INPP5A: variants seen among roughly 807,000 people sequenced by gnomAD.
INPP5A encodes 43 kDa inositol polyphosphate 5-phophatase.
Under a neutral mutation model 65.2 loss-of-function variants are expected in INPP5A, and 14 were observed. The observed-to-expected ratio is 0.21, with a 90% CI of 0.14 to 0.34. The LOEUF (loss-of-function observed/expected upper bound fraction) is 0.34. INPP5A is among the 10% of genes least tolerant of loss of function. The pLI is 1.00. For synonymous variants in INPP5A, 207 were observed against 208.3 expected (o/e 0.99, Z 0.05); for missense variants, 431 against 545.6 (o/e 0.79, Z 2.09).
intron 9 of INPP5A, among the ~76,000 whole-genome samples, chr10:132,728,863 C>T (rs931806868): frequency 6.6e-6 from 1 of 152,160 alleles, no homozygotes; most frequent in African/African-American, 2.4e-5. Context: ...CTGCTGAGCC[C>T]GGTGGCCGGG....
chr10:132,651,748 C>T lies in INPP5A; in HGVS notation c.306+1243C>T, dbSNP rs1034462316. Among the ~76,000 whole-genome samples, 5 of 152,378 alleles carry T rather than the reference C, an allele frequency of 3.3e-5. No homozygotes were observed. In the East Asian group the frequency reaches 7.7e-4, roughly 23 times the overall value. On this transcript the variant is annotated intron_variant, in intron 4 of 15. Coordinates refer to ENST00000368594, the MANE Select transcript of INPP5A (RefSeq NM_005539.5). This position sits in a 1 kb window ranked among gnomAD's most constrained non-coding sequence, Gnocchi z 5.0. ...CTGTTTGGGTTCAAGGGCCATCTCA[C>T]TTGTTTGGGCATCCAGTGCCAGTTG...
rs1433844673 is a variant in INPP5A at position 132,678,177 on chromosome 10, A to G, written c.307-12215A>G. Among the ~76,000 whole-genome samples, 3 of 152,086 alleles carry G rather than the reference A, an allele frequency of 2.0e-5. No individual in the cohort carries two copies. The highest frequency in any genetic ancestry group is 4.4e-5 in the Non-Finnish European group (3 of 68,024). ...GTGGTGGTCACGGAGCTCCTCTGAG[A>G]GCGGACGGTCACAGCCCCCCGTATG... On this transcript the variant is annotated intron_variant, in intron 4 of 15. Transcript: ENST00000368594. This position sits in a 1 kb window ranked among gnomAD's most constrained non-coding sequence, Gnocchi z 4.1.
At chr10:132,692,651 T>A (rs961122986) in intron 5 of INPP5A, among the ~76,000 whole-genome samples, 2 of 152,180 alleles carry the variant, frequency 1.3e-5, no homozygotes, top group African/African-American at 4.8e-5. Flanking sequence ...GAGAGTAGTG[T>A]GAAACATTTA....
chr10:132,674,893 CTG>C lies in INPP5A; in HGVS notation c.307-15496_307-15495del, dbSNP rs1410339880. 6.6e-6 allele frequency among the ~76,000 whole-genome samples: 1 copy of C among 152,228 alleles called. No individual in the cohort carries two copies. Among genetic ancestry groups the C allele is most frequent in the Non-Finnish European group, 1.5e-5 (1 of 68,040 alleles). ...CACTCCAAAATCCTAGAGGCCTCCG[CTG>C]TGATTCACCTATGGGGACCTGCCAA... On this transcript the variant is annotated intron_variant, in intron 4 of 15. Transcript: ENST00000368594. The surrounding 1 kb of genome is among the most constrained non-coding windows in gnomAD (Gnocchi z 4.4).
rs112017254 is a variant in INPP5A, at chr10:132,771,957, A to G, written c.978-5714A>G. 8.9e-3 allele frequency among the ~76,000 whole-genome samples: 44 copies of G among 4,944 alleles called. 3 individuals carry two copies. Among genetic ancestry groups the G allele is most frequent in the Middle Eastern group, 0.071 (1 of 14 alleles). The allele number at this position is 4,944 out of a possible 152,430, so 3.2% of individuals were successfully genotyped here. ...TGGGACGGACACTCAGCACTGACAC[A>G]GAGGCCACGGCAGCCACCCCACGAG... On this transcript the variant is annotated intron_variant, in intron 12 of 15. Coordinates refer to ENST00000368594, the MANE Select transcript of INPP5A (RefSeq NM_005539.5).
intron 4 of INPP5A, among the ~76,000 whole-genome samples, chr10:132,666,942 G>T (rs2072812487): frequency 6.6e-6 from 1 of 152,160 alleles, no homozygotes; most frequent in Admixed American, 6.5e-5. Flanking sequence ...GGAGGGTAAA[G>T]GTGGTTTTTA....
intron 8 of INPP5A, among the ~76,000 whole-genome samples, chr10:132,716,222 C>T (rs959094822): frequency 6.6e-6 from 1 of 152,226 alleles, no homozygotes; most frequent in Admixed American, 6.5e-5. Context: ...GCAGGTGCCC[C>T]GTCCTCCATC....
chr10:132,727,747 C>T lies in INPP5A; in HGVS notation c.732+842C>T, dbSNP rs1047799255. On this transcript the variant is annotated intron_variant, in intron 9 of 15. Transcript: ENST00000368594. The surrounding 1 kb of genome is among the most constrained non-coding windows in gnomAD (Gnocchi z 6.5). Reference sequence around the variant, plus strand: ...CTGGGCATGAGCTGACAGCCCACAGCGGGGCCACAGTAAGTTGGATGGGGC... The same window carrying T: ...CTGGGCATGAGCTGACAGCCCACAGTGGGGCCACAGTAAGTTGGATGGGGC... Among the ~76,000 whole-genome samples the T allele has an allele frequency of 2.0e-5, 3 of 152,090 alleles. No individual in the cohort carries two copies. Among genetic ancestry groups the T allele is most frequent in the Non-Finnish European group, 4.4e-5 (3 of 68,020 alleles).
intron 12 of INPP5A, among the ~76,000 whole-genome samples, chr10:132,777,096 C>T (rs1037457390): frequency 3.9e-5 from 6 of 152,164 alleles, no homozygotes; most frequent in African/African-American, 1.2e-4. Flanking sequence ...TTCCCAGACC[C>T]GCAGAGGGCG....
intron 2 of INPP5A, among the ~76,000 whole-genome samples, chr10:132,619,279 G>A (rs73399401): frequency 0.027 from 4,148 of 152,322 alleles, 79 homozygotes; most frequent in African/African-American, 0.046. Flanking sequence ...GCCCCCAGGC[G>A]AGTTTGAAAC....
intron 8 of INPP5A, among the ~76,000 whole-genome samples, chr10:132,710,857 G>A (rs1418770062): frequency 1.3e-5 from 2 of 151,252 alleles, no homozygotes; most frequent in South Asian, 2.1e-4. Flanking sequence ...GGTAGGTGTG[G>A]GCGGGCGGGT....
chr10:132,723,692 A>G (rs769359974), intron 8 of INPP5A, among the ~76,000 whole-genome samples: 6 of 149,940 alleles, frequency 4.0e-5, no homozygotes, highest in South Asian at 2.1e-4. Flanking sequence ...GGGATTGGCC[A>G]TGTGGGGATG....
At chr10:132,689,818 GTGCTC>G (rs1012243292) in intron 4 of INPP5A, among the ~76,000 whole-genome samples, 7 of 152,206 alleles carry the variant, frequency 4.6e-5, no homozygotes, top group African/African-American at 1.7e-4. Context: ...AGGGATCCCT[GTGCTC>G]TGCAACCATC....
chr10:132,726,481 T>C (rs2134580975), intron 8 of INPP5A, among the ~76,000 whole-genome samples: 1 of 152,300 alleles, frequency 6.6e-6, no homozygotes, highest in East Asian at 1.9e-4. Flanking sequence ...CCCTTTCCCG[T>C]TCTCGGGGCA....
intron 2 of INPP5A, among the ~76,000 whole-genome samples, chr10:132,613,093 A>G (rs1036071300): frequency 3.9e-4 from 60 of 152,186 alleles, no homozygotes; most frequent in African/African-American, 1.3e-3. Flanking sequence ...TACATGTCCC[A>G]TTTCTTTCAT....
Position 132,550,496 on chromosome 10 carries a change from G to C in INPP5A, c.75+12325G>C, listed in dbSNP as rs1760851789. Among the ~76,000 whole-genome samples, 1 of 152,238 alleles carries C rather than the reference G, an allele frequency of 6.6e-6. No individual in the cohort carries two copies. Among genetic ancestry groups the C allele is most frequent in the African/African-American group, 2.4e-5 (1 of 41,452 alleles). On this transcript the variant is annotated intron_variant, in intron 1 of 15. Transcript: ENST00000368594. The surrounding 1 kb of genome is among the most constrained non-coding windows in gnomAD (Gnocchi z 4.2). ...ACCTGGAGCAGCGCCCGTGAGAGGAGGGAAGCGACACCCTTGGGCTGAGCT... is the reference window on the plus strand; with the variant it reads ...ACCTGGAGCAGCGCCCGTGAGAGGACGGAAGCGACACCCTTGGGCTGAGCT...
At chr10:132,754,169 G>A (rs148191304) in intron 11 of INPP5A, among the ~76,000 whole-genome samples, 12 of 152,292 alleles carry the variant, frequency 7.9e-5, no homozygotes, top group Admixed American at 2.6e-4. Context: ...GGATCCCCCC[G>A]CCACCTGGCC....
chr10:132,783,184 A>T lies in INPP5A; in HGVS notation c.*1155A>T, dbSNP rs1383488585. 1 of 152,434 alleles carries T rather than the reference A, an allele frequency of 6.6e-6. No individual in the cohort carries two copies. The highest frequency in any genetic ancestry group is 1.5e-5 in the Non-Finnish European group (1 of 68,048). The allele number at this position is 152,434 out of a possible 1,614,324, so 9.4% of individuals were successfully genotyped here. On this transcript the variant is annotated 3_prime_UTR_variant, in exon 16 of 16. Coordinates refer to ENST00000368594, the MANE Select transcript of INPP5A (RefSeq NM_005539.5). ...TAGAAGGTGATTAGAGAGTCTGTTG[A>T]TGAAACACAAATGTATGTTTTATTG...
rs566143838 is a variant in INPP5A, at chr10:132,627,422, G to A, written c.118-18446G>A. Among the ~76,000 whole-genome samples, 44 of 152,268 alleles carry A rather than the reference G, an allele frequency of 2.9e-4. No homozygotes were observed. Among genetic ancestry groups the A allele is most frequent in the African/African-American group, 1.0e-3 (42 of 41,542 alleles). On this transcript the variant is annotated intron_variant, in intron 2 of 15. Coordinates refer to ENST00000368594, the MANE Select transcript of INPP5A (RefSeq NM_005539.5). This position sits in a 1 kb window ranked among gnomAD's most constrained non-coding sequence, Gnocchi z 6.6. ...CGCTGAGCAGGTGGGTCTGGAGGGC[G>A]GTGGGGCTGGCGGTGCTGGGCGCGG...
Sources: gnomAD v4.1 joint callset for allele counts (sites outside exome capture counted in the v4.1 genomes callset) on GRCh38, gnomAD v4.1.1 for gene constraint, Gnocchi (gnomAD v3.1) non-coding constraint, MANE v1.5 for transcripts, NCBI Gene and HGNC (gene_info 2026-07-23, HGNC 2026-07-21) for gene names.